The following SLC22A16 variants were observed in gnomAD, a reference collection of about 807,000 sequenced individuals.
The protein encoded by SLC22A16 is WUGSC:RG331P03.1.
In SLC22A16, 53 loss-of-function variants were observed where a neutral mutation model predicts 52.9. The ratio of observed to expected loss-of-function variants is 1.00; its 90% confidence interval spans 0.80 to 1.26. SLC22A16 has a LOEUF of 1.26. Ranked by LOEUF, SLC22A16 falls within the 50% of genes most tolerant of loss-of-function variation. SLC22A16 has a pLI of 0.00. For missense variants in SLC22A16, 726 were observed against 704.0 expected, an observed-to-expected ratio of 1.03 and a Z score of -0.35; for synonymous variants, 291 against 268.8, an observed-to-expected ratio of 1.08 and a Z score of -0.81.
chr6:110,425,596 G>A (rs928177965), intron 7 of SLC22A16, among the ~76,000 whole-genome samples: 7 of 152,326 alleles, frequency 4.6e-5, no homozygotes, highest in East Asian at 1.9e-4. Context: ...CAGAATCTAC[G>A]GAATTTGGGG....
chr6:110,474,712 G>A (rs1185874984), intron 1 of SLC22A16, among the ~76,000 whole-genome samples: 1 of 152,252 alleles, frequency 6.6e-6, no homozygotes, highest in Non-Finnish European at 1.5e-5. Context: ...TCCAGGCACA[G>A]ACAGGGAGCC....
intron 7 of SLC22A16, among the ~76,000 whole-genome samples, chr6:110,428,648 G>A (rs144809054): frequency 0.018 from 2,752 of 152,326 alleles, 70 homozygotes; most frequent in African/African-American, 0.063. Context: ...GGGCATGGTG[G>A]TTTATGCCTG....
chr6:110,436,053 T>C, intron 5 of SLC22A16, 92 bp from the exon 6 acceptor site: 1 of 802,422 alleles, frequency 1.2e-6, no homozygotes, highest in South Asian at 1.7e-5. Flanking sequence ...ACATTCTAAT[T>C]CCTTCAGTAT....
At chr6:110,438,949 C>T in intron 4 of SLC22A16, 102 bp from the exon 5 acceptor site, 1 of 1,446,598 alleles carries the variant, frequency 6.9e-7, no homozygotes, top group Non-Finnish European at 9.4e-7. Flanking sequence ...CAGCCCTCTC[C>T]TCACTTCTGG....
chr6:110,429,735 G>C (rs17071668), intron 7 of SLC22A16, among the ~76,000 whole-genome samples: 1 of 152,140 alleles, frequency 6.6e-6, no homozygotes, highest in Admixed American at 6.5e-5. Context: ...GCAACTGAAA[G>C]AGGCACCCAC....
intron 1 of SLC22A16, among the ~76,000 whole-genome samples, chr6:110,463,514 T>TTAAA (rs746675096): frequency 1.5e-4 from 8 of 53,266 alleles, no homozygotes; most frequent in East Asian, 1.4e-3. Context: ...GTAACAACAG[T>TTAAA]AAAAAAAAAA....
rs147996400 is a variant in SLC22A16 at position 110,442,289 on chromosome 6, A to G, written c.1138T>C (p.Ser380Pro). 51 of 1,614,114 alleles carry G rather than the reference A, an allele frequency of 3.2e-5. No individual in the cohort carries two copies. Among genetic ancestry groups the G allele is most frequent in the South Asian group, 1.8e-4 (16 of 91,086 alleles). Residue 380 changes from serine (S) to proline (P), a missense_variant, in exon 4 of 8, where the codon TCT becomes CCT. Transcript: ENST00000368919. ...TATTCATTGCCTCCTAAGTTAACAG[A>G]ATTCAAGGAAAACGAGTAGAATCCC... ...SLGFYSFSLNSVNLGGNEYLN... is the reference protein window; with the variant it reads ...SLGFYSFSLNPVNLGGNEYLN...
intron 2 of SLC22A16, 152 bp downstream of exon 2, chr6:110,456,386 A>G (rs1775653845): frequency 2.1e-6 from 2 of 961,866 alleles, no homozygotes; most frequent in African/African-American, 1.6e-5. Flanking sequence ...TTATCATTAT[A>G]CATCCCTAAA....
rs1026758675 is a variant in SLC22A16 at position 110,438,851 on chromosome 6, T to A, written c.1184-4A>T. 1.2e-6 allele frequency: 2 copies of A among 1,613,656 alleles called. No individual in the cohort carries two copies. Among genetic ancestry groups the A allele is most frequent in the African/African-American group, 2.7e-5 (2 of 74,912 alleles). On this transcript the variant is annotated splice_region_variant and splice_polypyrimidine_tract_variant and intron_variant, in intron 4 of 7. Coordinates refer to ENST00000368919, the MANE Select transcript of SLC22A16 (RefSeq NM_033125.4). ...TAGGCGGGAATTTCCACTACACCTG[T>A]CATTGAGCAAGCAGCCCTCTATAAG...
chr6:110,451,752 C>T (rs1775388606), intron 2 of SLC22A16, among the ~76,000 whole-genome samples: 1 of 152,154 alleles, frequency 6.6e-6, no homozygotes, highest in South Asian at 2.1e-4. Context: ...TTTTGGTGGA[C>T]ATAAATTCCT....
At chr6:110,447,049 T>G in intron 2 of SLC22A16, 59 bp from the exon 3 acceptor site, 1 of 1,328,156 alleles carries the variant, frequency 7.5e-7, no homozygotes, top group Non-Finnish European at 1.1e-6. Flanking sequence ...AGTTTAAACA[T>G]CCACTCCAAT....
intron 3 of SLC22A16, among the ~76,000 whole-genome samples, chr6:110,446,017 G>A (rs547497024): frequency 2.0e-5 from 3 of 152,156 alleles, no homozygotes; most frequent in African/African-American, 7.2e-5. Flanking sequence ...CATCAAAAAA[G>A]ACTCCAAAAC....
chr6:110,473,129 A>G (rs1776316244), intron 1 of SLC22A16, among the ~76,000 whole-genome samples: 1 of 152,188 alleles, frequency 6.6e-6, no homozygotes, highest in African/African-American at 2.4e-5. Flanking sequence ...AAAGCACTCT[A>G]TGACACACCG....
intron 7 of SLC22A16, 110 bp from the exon 8 acceptor site, chr6:110,425,195 T>C (rs1774207866): frequency 3.3e-6 from 5 of 1,532,304 alleles, no homozygotes; most frequent in South Asian, 2.5e-5. Context: ...GAATTTGACA[T>C]AACAGTTGTC....
rs1774179851 is a variant in SLC22A16 at position 110,424,741 on chromosome 6, CT to C, written c.*131del. The stretch of plus-strand genomic sequence containing the variant: ...TTTTATTTCTTTTATAACATATTTG[CT>C]TTAAAATTTTCTTACAAAATTTATT... On this transcript the variant is annotated 3_prime_UTR_variant, in exon 8 of 8. Transcript: ENST00000368919. 2 of 1,069,632 alleles carry C rather than the reference CT, an allele frequency of 1.9e-6. No homozygotes were observed. Among genetic ancestry groups the C allele is most frequent in the Admixed American group, 5.7e-5 (2 of 34,850 alleles). The allele number at this position is 1,069,632 out of a possible 1,614,324, so 66.3% of individuals were successfully genotyped here. A position where few individuals can be genotyped will look rare whatever the true frequency, so the allele number is the denominator to read the frequency against.
At chr6:110,434,151 A>T (rs895882958) in intron 6 of SLC22A16, among the ~76,000 whole-genome samples, 1 of 152,124 alleles carries the variant, frequency 6.6e-6, no homozygotes, top group Non-Finnish European at 1.5e-5. Context: ...GAGGCAGGAG[A>T]ATCACCTGAA....
intron 7 of SLC22A16, among the ~76,000 whole-genome samples, chr6:110,430,597 G>A (rs1030310517): frequency 5.9e-5 from 9 of 152,130 alleles, no homozygotes; most frequent in Non-Finnish European, 1.2e-4. Flanking sequence ...CAGTGCTCAC[G>A]TGCCTTCCCA....
chr6:110,467,578 G>T (rs1365302892), intron 1 of SLC22A16, among the ~76,000 whole-genome samples: 1 of 152,168 alleles, frequency 6.6e-6, no homozygotes, highest in Non-Finnish European at 1.5e-5. Flanking sequence ...ACCTTGGGCT[G>T]AAAATGAACA....
intron 1 of SLC22A16, among the ~76,000 whole-genome samples, chr6:110,458,557 T>G (rs188974204): frequency 1.3e-5 from 2 of 152,206 alleles, no homozygotes; most frequent in African/African-American, 4.8e-5. Context: ...TCATACTGTG[T>G]GGTTAATTTT....
Sources: allele counts gnomAD v4.1 joint callset (sites outside exome capture counted in the v4.1 genomes callset), GRCh38; gene constraint gnomAD v4.1.1; transcripts MANE v1.5; gene names NCBI Gene and HGNC (gene_info 2026-07-23, HGNC 2026-07-21).